Variants in SLC14A2 observed in about 807,000 individuals in gnomAD.
SLC14A2 encodes solute carrier family 14 member 2.
Under a neutral mutation model 104.6 loss-of-function variants are expected in SLC14A2, and 91 were observed. The ratio of observed to expected loss-of-function variants is 0.87; its 90% CI spans 0.73 to 1.04. SLC14A2 has a LOEUF of 1.04. Among genes scored for constraint, SLC14A2 ranks in the 50% least tolerant of loss-of-function variants. The pLI, the probability that SLC14A2 is intolerant of heterozygous loss-of-function variation, is 0.00. For missense variants in SLC14A2, 1,189 were observed against 1,156.0 expected, an observed-to-expected ratio of 1.03 and a Z score of -0.41; for synonymous variants, 476 against 466.4, an observed-to-expected ratio of 1.02 and a Z score of -0.27.
intron 19 of SLC14A2, among the ~76,000 whole-genome samples, chr18:45,679,441 C>T (rs1273253944): frequency 6.6e-6 from 1 of 152,216 alleles, no homozygotes; most frequent in Non-Finnish European, 1.5e-5. Flanking sequence ...AGTCAAACCC[C>T]AACCAGGCGA....
At chr18:45,505,662 A>T (rs530335971) in intron 2 of SLC14A2, among the ~76,000 whole-genome samples, 5 of 151,460 alleles carry the variant, frequency 3.3e-5, no homozygotes, top group Admixed American at 2.0e-4. Flanking sequence ...GGTCCCTTCC[A>T]GTAGTCCTCG....
chr18:45,409,624 G>T (rs958854806), intron 1 of SLC14A2, among the ~76,000 whole-genome samples: 4 of 152,050 alleles, frequency 2.6e-5, no homozygotes, highest in African/African-American at 9.7e-5. Flanking sequence ...GAGCCTCCTG[G>T]GGAGCTTTCC....
At chr18:45,636,169 A>C (rs2144539079) in intron 5 of SLC14A2, among the ~76,000 whole-genome samples, 1 of 152,322 alleles carries the variant, frequency 6.6e-6, no homozygotes, top group South Asian at 2.1e-4. Context: ...GGAAGTCTTA[A>C]ACGCCTTTTT....
At chr18:45,470,135 TG>T (rs995471716) in intron 1 of SLC14A2, among the ~76,000 whole-genome samples, 6 of 152,246 alleles carry the variant, frequency 3.9e-5, no homozygotes, top group African/African-American at 1.4e-4. Context: ...GCTGTTGCTA[TG>T]TTTTTTTGGT....
intron 1 of SLC14A2, among the ~76,000 whole-genome samples, chr18:45,396,592 T>C (rs1211185756): frequency 2.0e-5 from 3 of 152,048 alleles, no homozygotes; most frequent in Non-Finnish European, 4.4e-5. Context: ...GTGAAAGTAA[T>C]GAATACAGCT....
At chr18:45,216,646 A>G (rs1433442930) in intron 1 of SLC14A2, among the ~76,000 whole-genome samples, 1 of 152,096 alleles carries the variant, frequency 6.6e-6, no homozygotes, top group Non-Finnish European at 1.5e-5. Flanking sequence ...GCTGCATGCA[A>G]TGCACACATC....
Position 45,596,959 on chromosome 18 carries a change from G to A in SLC14A2, c.-34-27672G>A, listed in dbSNP as rs1409456264. 3.9e-5 allele frequency among the ~76,000 whole-genome samples: 6 copies of A among 152,110 alleles called. No individual in the cohort carries two copies. In the East Asian group the frequency reaches 1.2e-3, roughly 29 times the overall value. On this transcript the variant is annotated intron_variant, in intron 2 of 20. Coordinates refer to the SLC14A2 transcript ENST00000586448. ...TTTACTGCCTCTGTGCTTCTATGAT[G>A]TCCCATCCCCTAGAAATGGCCTTTG...
chr18:45,448,672 TC>T (rs1296740112), intron 1 of SLC14A2, among the ~76,000 whole-genome samples: 1 of 152,126 alleles, frequency 6.6e-6, no homozygotes, highest in Non-Finnish European at 1.5e-5. Context: ...TGACAGCTCC[TC>T]CCTCTAACTC....
At chr18:45,214,674 G>A (rs1278702984) in intron 1 of SLC14A2, among the ~76,000 whole-genome samples, 1 of 152,126 alleles carries the variant, frequency 6.6e-6, no homozygotes, top group Non-Finnish European at 1.5e-5. Flanking sequence ...TACTCAGACA[G>A]CTCTCTCATA....
At chr18:45,336,437 C>T (rs946998387) in intron 1 of SLC14A2, among the ~76,000 whole-genome samples, 6 of 151,906 alleles carry the variant, frequency 3.9e-5, no homozygotes, top group African/African-American at 7.3e-5. Context: ...CAGGTGATCT[C>T]GGAGGGCCCT....
chr18:45,283,523 C>G (rs1486917594), intron 1 of SLC14A2, among the ~76,000 whole-genome samples: 1 of 151,936 alleles, frequency 6.6e-6, no homozygotes, highest in Non-Finnish European at 1.5e-5. Context: ...CAACATCAAC[C>G]AAAAAAATGC....
intron 10 of SLC14A2, among the ~76,000 whole-genome samples, chr18:45,648,483 G>C (rs1337466472): frequency 6.6e-6 from 1 of 152,142 alleles, no homozygotes. Context: ...GGGATTACAG[G>C]CATGAGCCAC....
intron 2 of SLC14A2, among the ~76,000 whole-genome samples, chr18:45,596,243 C>A (rs1276114055): frequency 6.6e-6 from 1 of 152,164 alleles, no homozygotes; most frequent in Non-Finnish European, 1.5e-5. Flanking sequence ...GTTTGAAATA[C>A]TATTGGAAGC....
chr18:45,285,671 C>T (rs891518279), intron 1 of SLC14A2, among the ~76,000 whole-genome samples: 14 of 143,102 alleles, frequency 9.8e-5, no homozygotes, highest in South Asian at 2.3e-4. Flanking sequence ...GCCCCCCCCC[C>T]CCCTCGGCCT....
chr18:45,250,751 C>CTGACTTTTTTTTTTTTT (rs1165070845), intron 1 of SLC14A2, among the ~76,000 whole-genome samples: 1,151 of 113,594 alleles, frequency 0.01, 41 homozygotes, highest in Non-Finnish European at 0.013. Context: ...CTAGTGGCTT[C>CTGACTTTTTTTTTTTTT]TTCCTTTTTT....
At chr18:45,306,016 A>G (rs2085017576) in intron 1 of SLC14A2, among the ~76,000 whole-genome samples, 1 of 152,224 alleles carries the variant, frequency 6.6e-6, no homozygotes, top group South Asian at 2.1e-4. Context: ...ACATTTGATC[A>G]GGATCCTTTC....
At chr18:45,475,553 C>G in intron 1 of SLC14A2, among the ~76,000 whole-genome samples, 1 of 138,288 alleles carries the variant, frequency 7.2e-6, no homozygotes. Context: ...GTATTGGGTG[C>G]ATATATTTAG....
chr18:45,378,096 C>A (rs1345051391), intron 1 of SLC14A2, among the ~76,000 whole-genome samples: 1 of 152,174 alleles, frequency 6.6e-6, no homozygotes, highest in East Asian at 1.9e-4. Flanking sequence ...TTGTTTCTCC[C>A]CTAAGGCACT....
intron 1 of SLC14A2, among the ~76,000 whole-genome samples, chr18:45,456,400 G>C (rs1029000396): frequency 2.0e-5 from 3 of 152,224 alleles, no homozygotes; most frequent in Non-Finnish European, 4.4e-5. Flanking sequence ...TATGCTGGCT[G>C]TTAGTCTCCT....
Sources: allele counts gnomAD v4.1 joint callset (sites outside exome capture counted in the v4.1 genomes callset), GRCh38; gene constraint gnomAD v4.1.1; transcripts MANE v1.5; gene names NCBI Gene and HGNC (gene_info 2026-07-23, HGNC 2026-07-21).